Variants in PTPN22 observed in about 807,000 individuals in gnomAD.
PTPN22 encodes the protein protein tyrosine phosphatase non-receptor type 22.
Under a neutral mutation model 103.3 loss-of-function variants are expected in PTPN22, and 85 were observed. That is an observed-to-expected ratio of 0.82 (90% CI 0.69 to 0.99). PTPN22 has a LOEUF of 0.99. Among genes scored for constraint, PTPN22 ranks in the 50% least tolerant of loss-of-function variants. PTPN22 has a pLI of 0.00. For synonymous variants in PTPN22, 323 were observed against 310.2 expected, an observed-to-expected ratio of 1.04 and a Z score of -0.43; for missense variants, 865 against 936.9, an observed-to-expected ratio of 0.92 and a Z score of 1.00.
In PTPN22 at chr1:113,835,004, T is replaced by A; in HGVS notation, c.1811-11A>T. 1 of 1,497,016 alleles carries A rather than the reference T, an allele frequency of 6.7e-7. No homozygotes were observed. Among genetic ancestry groups the A allele is most frequent in the Non-Finnish European group, 9.0e-7 (1 of 1,114,836 alleles). The allele number at this position is 1,497,016 out of a possible 1,614,324, so 92.7% of individuals were successfully genotyped here. ...TCCTTGGAGCAGTTGCTATCCAAAA[T>A]GTCAAAAATATTGTAACAATTGTTA... On this transcript the variant is annotated splice_polypyrimidine_tract_variant and intron_variant, in intron 13 of 20. Coordinates refer to ENST00000359785, the Ensembl canonical transcript of PTPN22.
At chr1:113,839,025 G>A (rs1663277416) in intron 11 of PTPN22, among the ~76,000 whole-genome samples, 1 of 152,136 alleles carries the variant, frequency 6.6e-6, no homozygotes, top group East Asian at 1.9e-4. Context: ...TATGCTCTAG[G>A]TATACTGGTT....
At chr1:113,856,930 C>T (rs964350712) in intron 5 of PTPN22, 24 of 249,636 alleles carry the variant, frequency 9.6e-5, no homozygotes, top group African/African-American at 4.7e-4. Context: ...AAGTGAAATA[C>T]CTAGTTCCCT....
intron 18 of PTPN22, among the ~76,000 whole-genome samples, chr1:113,827,158 A>T (rs914072860): frequency 1.3e-5 from 2 of 152,184 alleles, no homozygotes; most frequent in African/African-American, 4.8e-5. Flanking sequence ...ATCCTTTATG[A>T]CATTTCTGTT....
intron 2 of PTPN22, 35 bp from the exon 3 acceptor site, chr1:113,859,113 AG>A (rs1341283998): frequency 1.2e-6 from 2 of 1,608,994 alleles, no homozygotes; most frequent in Non-Finnish European, 1.7e-6. Flanking sequence ...TACAATTAAG[AG>A]GGCTTAGTCA....
intron 9 of PTPN22, among the ~76,000 whole-genome samples, chr1:113,853,859 C>CTTTTTTTTTTTTTTTTTTTTTTTT (rs894010114): frequency 6.0e-5 from 4 of 67,152 alleles, no homozygotes; most frequent in Non-Finnish European, 1.0e-4. Flanking sequence ...TTTTTTTTTG[C>CTTTTTTTTTTTTTTTTTTTTTTTT]TTTTTTTTTT....
intron 3 of PTPN22, among the ~76,000 whole-genome samples, 197 bp from the exon 4 acceptor site, chr1:113,858,770 G>A (rs1204405224): frequency 1.3e-5 from 2 of 151,568 alleles, no homozygotes; most frequent in East Asian, 1.9e-4. Context: ...CTCTCCAGTA[G>A]CTGGGACTAC....
At chr1:113,853,998 G>A (rs1664832052) in intron 9 of PTPN22, among the ~76,000 whole-genome samples, 1 of 150,710 alleles carries the variant, frequency 6.6e-6, no homozygotes, top group Non-Finnish European at 1.5e-5. Flanking sequence ...CCTGAGTAGT[G>A]GGGACTACAG....
At chr1:113,871,548 T>A (rs1256806723) in exon 1 of PTPN22, 3 of 1,613,872 alleles carry the variant, frequency 1.9e-6, no homozygotes, top group Non-Finnish European at 1.7e-6. Flanking sequence ...AGAAATTCAT[T>A]GGCAAACTCC....
chr1:113,834,282 G>A, intron 15 of PTPN22, 27 bp downstream of exon 15: 1 of 1,605,760 alleles, frequency 6.2e-7, no homozygotes, highest in Non-Finnish European at 8.5e-7. Flanking sequence ...GAATCTAAAT[G>A]AGTAGAGTCA....
intron 18 of PTPN22, among the ~76,000 whole-genome samples, chr1:113,828,048 ATTTTC>A (rs1662240123): frequency 6.6e-6 from 1 of 152,172 alleles, no homozygotes; most frequent in Non-Finnish European, 1.5e-5. Context: ...ATGCTCATTT[ATTTTC>A]TTCAAACCAT....
chr1:113,848,469 C>A, intron 11 of PTPN22, 71 bp downstream of exon 11: 1 of 1,602,010 alleles, frequency 6.2e-7, no homozygotes, highest in Non-Finnish European at 8.5e-7. Flanking sequence ...AATCCTGCAA[C>A]AAATCTGACA....
In PTPN22 at chr1:113,857,787, A is replaced by C; in HGVS notation, c.370-11T>G. 6.2e-7 allele frequency: 1 copy of C among 1,605,554 alleles called. No individual in the cohort carries two copies. Among genetic ancestry groups the C allele is most frequent in the South Asian group, 1.1e-5 (1 of 90,074 alleles). On this transcript the variant is annotated splice_polypyrimidine_tract_variant and intron_variant, in intron 4 of 20. Transcript: ENST00000359785. ...TGCCATAACAATGATCTGGGGGATG[A>C]AATAGATAGAAACTTAAACATTCAT... is the stretch of plus-strand genomic sequence containing the variant.
chr1:113,841,528 T>G (rs958124679), intron 11 of PTPN22, among the ~76,000 whole-genome samples: 6 of 151,424 alleles, frequency 4.0e-5, no homozygotes, highest in African/African-American at 1.5e-4. Flanking sequence ...GCAAATCACA[T>G]ATCTGATAAG....
intron 11 of PTPN22, among the ~76,000 whole-genome samples, chr1:113,841,110 G>T (rs964242750): frequency 6.6e-6 from 1 of 152,080 alleles, no homozygotes; most frequent in Non-Finnish European, 1.5e-5. Context: ...TGTAATCCCA[G>T]CTACTCAAGA....
At position 113,855,503 on chromosome 1, in the gene PTPN22, C is replaced by CAAAAAAAA. The variant is rs58516952; in HGVS notation, c.541-462_541-455dup. Among the ~76,000 whole-genome samples the CAAAAAAAA allele has an allele frequency of 7.1e-3, 602 of 84,402 alleles. 16 individuals are homozygous for CAAAAAAAA. Among genetic ancestry groups the CAAAAAAAA allele is most frequent in the African/African-American group, 0.029 (585 of 20,464 alleles). 55.4% of individuals were successfully genotyped at this position (84,402 alleles called of 152,430 possible). Reference sequence around the variant, plus strand: ...TGGGTGACAGAGCGAGACTCTGTCTCAAAAAAAAAAAAAAAAAAAAAAAAG... The same window carrying CAAAAAAAA: ...TGGGTGACAGAGCGAGACTCTGTCTCAAAAAAAAAAAAAAAAAAAAAAAAAAAAAAAAG... On this transcript the variant is annotated intron_variant, in intron 7 of 20. Transcript: ENST00000359785.
At chr1:113,855,833 C>A (rs1168391104) in intron 7 of PTPN22, among the ~76,000 whole-genome samples, 1 of 152,182 alleles carries the variant, frequency 6.6e-6, no homozygotes, top group Non-Finnish European at 1.5e-5. Flanking sequence ...CACAATCATG[C>A]TGATATATTA....
At chr1:113,854,987 A>G (rs1334539830) in exon 8 of PTPN22, 2 of 1,607,328 alleles carry the variant, frequency 1.2e-6, no homozygotes, top group Non-Finnish European at 1.7e-6. Flanking sequence ...TAGGGTCTAT[A>G]GATGAAGGTA....
At chr1:113,851,549 A>G (rs562734663) in intron 10 of PTPN22, among the ~76,000 whole-genome samples, 2 of 152,146 alleles carry the variant, frequency 1.3e-5, no homozygotes, top group Non-Finnish European at 2.9e-5. Flanking sequence ...TAATAGGAAT[A>G]TGGTTTTTAT....
At chr1:113,830,455 G>A (rs778530469) in intron 16 of PTPN22, among the ~76,000 whole-genome samples, 6 of 151,774 alleles carry the variant, frequency 4.0e-5, no homozygotes, top group Non-Finnish European at 5.9e-5. Context: ...AAAGGAGAAC[G>A]GTTATATATT....
Sources: gnomAD v4.1 joint callset for allele counts (sites outside exome capture counted in the v4.1 genomes callset) on GRCh38, gnomAD v4.1.1 for gene constraint, MANE v1.5 for transcripts, NCBI Gene and HGNC (gene_info 2026-07-23, HGNC 2026-07-21) for gene names.